ILDR2: variants seen among roughly 807,000 people sequenced by gnomAD.
ILDR2 encodes immunoglobulin like domain containing receptor 2.
ILDR2 carries 25 observed loss-of-function variants against 66.8 expected under a neutral mutation model. The ratio of observed to expected loss-of-function variants is 0.37; its 90% CI spans 0.27 to 0.52. ILDR2 has a LOEUF of 0.52. Ranked by LOEUF, ILDR2 falls within the 20% of genes least tolerant of loss-of-function variation. ILDR2 has a pLI of 0.88. For missense variants in ILDR2, 827 were observed against 876.8 expected (o/e 0.94, Z 0.72); for synonymous variants, 367 against 357.2 (o/e 1.03, Z -0.31).
At chr1:166,902,334 A>G (rs557263412) in intron 2 of ILDR2, among the ~76,000 whole-genome samples, 1 of 152,360 alleles carries the variant, frequency 6.6e-6, no homozygotes, top group South Asian at 2.1e-4. Context: ...TGTCCTTCCC[A>G]ACAGAACCTG....
At position 166,936,338 on chromosome 1, in the gene ILDR2, T is replaced by C. The variant is rs557079187; in HGVS notation, c.703+253A>G. On this transcript the variant is annotated intron_variant, in intron 5 of 9. Transcript: ENST00000271417. The surrounding 1 kb of genome is among the most constrained non-coding windows in gnomAD (Gnocchi z 5.0). ...ACCTGCCCTTCCATTTTATCAATAG[T>C]GTCCATGAGAATTCCAAATGCATGG... is the stretch of plus-strand genomic sequence containing the variant. Among the ~76,000 whole-genome samples, 21 of 152,280 alleles carry C rather than the reference T, an allele frequency of 1.4e-4. No individual in the cohort carries two copies. In the South Asian group the frequency reaches 4.4e-3, roughly 32 times the overall value.
chr1:166,947,315 T>C (rs1307964154), intron 3 of ILDR2, among the ~76,000 whole-genome samples: 2 of 152,200 alleles, frequency 1.3e-5, no homozygotes, highest in African/African-American at 4.8e-5. Flanking sequence ...AATGGCCACT[T>C]TCTTTAACCA....
Position 166,936,967 on chromosome 1 carries a change from T to C in ILDR2, c.557-230A>G, listed in dbSNP as rs1037112836. On this transcript the variant is annotated intron_variant, in intron 4 of 9. Transcript: ENST00000271417. The surrounding 1 kb of genome is among the most constrained non-coding windows in gnomAD (Gnocchi z 5.0). The stretch of plus-strand genomic sequence containing the variant: ...AGGGAAGAAGGTTATCTATGTTACA[T>C]TGGGTACATGTAATAATCGGCACAA... 9.9e-5 allele frequency among the ~76,000 whole-genome samples: 15 copies of C among 152,008 alleles called. No individual in the cohort carries two copies. The highest frequency in any genetic ancestry group is 8.5e-4 in the Admixed American group (13 of 15,284).
intron 1 of ILDR2, among the ~76,000 whole-genome samples, chr1:166,964,149 A>T (rs1019320226): frequency 2.0e-5 from 3 of 151,908 alleles, no homozygotes; most frequent in Non-Finnish European, 4.4e-5. Context: ...TAAAAAAAAA[A>T]AAAAATTTAA....
At chr1:166,970,118 T>C (rs1012852165) in intron 1 of ILDR2, among the ~76,000 whole-genome samples, 1 of 152,178 alleles carries the variant, frequency 6.6e-6, no homozygotes, top group Non-Finnish European at 1.5e-5. Context: ...AGAAGGGACA[T>C]TCTAGGACCA....
chr1:166,975,164 G>T, intron 1 of ILDR2, 59 bp downstream of exon 1: 1 of 1,408,650 alleles, frequency 7.1e-7, no homozygotes. Context: ...GGCGCGGTGA[G>T]AACAGAACCA....
At position 166,936,761 on chromosome 1, in the gene ILDR2, C is replaced by T. The variant is rs774317945; in HGVS notation, c.557-24G>A. On this transcript the variant is annotated intron_variant, in intron 4 of 9. Coordinates refer to ENST00000271417, the MANE Select transcript of ILDR2 (RefSeq NM_199351.3). This position sits in a 1 kb window ranked among gnomAD's most constrained non-coding sequence, Gnocchi z 5.0. Reference sequence around the variant, plus strand: ...CTCTGGAAGGATGCACAAAGAAATCCACACTCGAGGCAGCCCACCTCCAGG... The same window carrying T: ...CTCTGGAAGGATGCACAAAGAAATCTACACTCGAGGCAGCCCACCTCCAGG... 1 of 1,613,302 alleles carries T rather than the reference C, an allele frequency of 6.2e-7. No homozygotes were observed. The highest frequency in any genetic ancestry group is 1.3e-5 in the African/African-American group (1 of 74,986).
At chr1:166,899,420 A>G (rs1036308484) in intron 2 of ILDR2, among the ~76,000 whole-genome samples, 31 of 152,022 alleles carry the variant, frequency 2.0e-4, no homozygotes, top group African/African-American at 7.2e-4. Context: ...AAGAAAAGAA[A>G]AAGAAAAAGA....
At chr1:166,896,357 A>G (rs981074914) in intron 2 of ILDR2, among the ~76,000 whole-genome samples, 5 of 152,120 alleles carry the variant, frequency 3.3e-5, no homozygotes, top group Non-Finnish European at 7.4e-5. Flanking sequence ...GATGGGATAC[A>G]GGTGGACAGG....
At chr1:166,973,679 C>T (rs1464688381) in intron 1 of ILDR2, among the ~76,000 whole-genome samples, 1 of 143,536 alleles carries the variant, frequency 7.0e-6, no homozygotes, top group Non-Finnish European at 1.5e-5. Context: ...ACTAAGTGCC[C>T]TGAGAATATT....
chr1:166,948,208 T>C (rs916229935), intron 3 of ILDR2, among the ~76,000 whole-genome samples: 1 of 152,126 alleles, frequency 6.6e-6, no homozygotes, highest in Non-Finnish European at 1.5e-5. Context: ...TTCTGTTCTC[T>C]TCAATCTATG....
intron 3 of ILDR2, among the ~76,000 whole-genome samples, chr1:166,944,457 C>T (rs574544263): frequency 1.1e-4 from 17 of 152,248 alleles, no homozygotes; most frequent in Admixed American, 7.8e-4. Flanking sequence ...TAAATCTTCC[C>T]GCCAAATTAG....
At chr1:166,926,127 A>G (rs948311920) in intron 7 of ILDR2, among the ~76,000 whole-genome samples, 1 of 152,192 alleles carries the variant, frequency 6.6e-6, no homozygotes, top group Non-Finnish European at 1.5e-5. Flanking sequence ...CTTAATCTGA[A>G]TAAAGCTCTT....
intron 1 of ILDR2, among the ~76,000 whole-genome samples, chr1:166,965,536 A>G (rs1208146081): frequency 7.9e-5 from 12 of 151,288 alleles, no homozygotes; most frequent in Non-Finnish European, 1.3e-4. Flanking sequence ...CAACCTGTAC[A>G]AATCTTTCTT....
At chr1:166,902,787 T>C (rs1467451156) in intron 2 of ILDR2, among the ~76,000 whole-genome samples, 1 of 152,248 alleles carries the variant, frequency 6.6e-6, no homozygotes, top group African/African-American at 2.4e-5. Context: ...TTCTGAGTTT[T>C]GTTTGTTTTG....
Position 166,975,223 on chromosome 1 carries a change from C to T in ILDR2, c.46G>A (p.Ala16Thr), listed in dbSNP as rs1338005396. The T allele has an allele frequency of 1.2e-6, 2 of 1,611,558 alleles. No individual in the cohort carries two copies. Among genetic ancestry groups the T allele is most frequent in the Admixed American group, 3.3e-5 (2 of 59,984 alleles). ...LRWISLFWLTAMVEGLQVTVP... is the reference protein window; with the variant it reads ...LRWISLFWLTTMVEGLQVTVP... ...CGTTTCTGTTGAAAAGGACTCTTACCTGTTAGCCAGAAGAGAGAAATCCAC... is the reference window on the plus strand; with the variant it reads ...CGTTTCTGTTGAAAAGGACTCTTACTTGTTAGCCAGAAGAGAGAAATCCAC... The change falls in exon 1 of 10, where the codon GCC becomes ACC. Residue 16 changes from alanine (A) to threonine (T), a missense_variant and splice_region_variant. Ala to Thr is a moderately conservative substitution (Grantham distance 58). This residue lies in a region of ILDR2 where 437 missense variants were observed against 523.2 expected (regional missense o/e 0.84). Coordinates refer to ENST00000271417, the MANE Select transcript of ILDR2 (RefSeq NM_199351.3).
downstream of ILDR2, chr1:166,907,973 A>G (rs949718693): frequency 8.5e-5 from 13 of 152,198 alleles, no homozygotes; most frequent in African/African-American, 3.1e-4. Context: ...CGTGCTGGCC[A>G]TCCCTGAGAA....
At chr1:166,956,887 C>T in intron 2 of ILDR2, 35 bp from the exon 3 acceptor site, 1 of 1,605,616 alleles carries the variant, frequency 6.2e-7, no homozygotes, top group Admixed American at 1.7e-5. Context: ...AGTCCTAAAA[C>T]TCTGTCCTCT....
At position 166,926,919 on chromosome 1, in the gene ILDR2, G is replaced by A. The variant is rs112770924; in HGVS notation, c.994+148C>T. On this transcript the variant is annotated intron_variant, in intron 7 of 9. Transcript: ENST00000271417. ...CCTTTTTTTCCCCTCTGTGTACTGA[G>A]AGCTACTTTCTTCAGTAGTGTCACC... is the stretch of plus-strand genomic sequence containing the variant. 1.0e-4 allele frequency: 54 copies of A among 534,082 alleles called. 1 individual carries two copies. The highest frequency in any genetic ancestry group is 9.7e-4 in the African/African-American group (50 of 51,606). 33.1% of individuals were successfully genotyped at this position (534,082 alleles called of 1,614,324 possible).
Sources: allele counts gnomAD v4.1 joint callset (sites outside exome capture counted in the v4.1 genomes callset), GRCh38; gene constraint gnomAD v4.1.1; regional missense constraint gnomAD v4.1.1; non-coding constraint Gnocchi (gnomAD v3.1); transcripts MANE v1.5; gene names NCBI Gene and HGNC (gene_info 2026-07-23, HGNC 2026-07-21).